TUBB8: variants seen among roughly 807,000 people sequenced by gnomAD.
The protein encoded by TUBB8 is tubulin beta-8 chain.
In TUBB8, 25 loss-of-function variants were observed where a neutral mutation model predicts 33.7. The observed-to-expected ratio is 0.74, with a 90% CI of 0.54 to 1.04. The LOEUF is 1.04. Ranked by LOEUF, TUBB8 falls within the 50% of genes least tolerant of loss-of-function variation. The probability of loss-of-function intolerance (pLI) is 0.00; values close to 1 mark genes in which losing one functional copy is unlikely to be tolerated. For missense variants in TUBB8, 279 were observed against 608.0 expected (o/e 0.46, Z 5.69); for synonymous variants, 245 against 240.1 (o/e 1.02, Z -0.19).
At chr10:67,799 T>C (rs1415072696) in intron 1 of TUBB8, among the ~76,000 whole-genome samples, 1 of 152,140 alleles carries the variant, frequency 6.6e-6, no homozygotes, top group East Asian at 1.9e-4. Flanking sequence ...TTTGAGAGAG[T>C]CTCACACTGT....
upstream of TUBB8, among the ~76,000 whole-genome samples, chr10:53,540 T>G (rs1834493860): frequency 6.6e-6 from 1 of 152,180 alleles, no homozygotes. Context: ...AGAACACATG[T>G]GATTAAATTA....
At chr10:68,867 T>G (rs192260061) in intron 1 of TUBB8, among the ~76,000 whole-genome samples, 6 of 152,358 alleles carry the variant, frequency 3.9e-5, no homozygotes, top group African/African-American at 1.4e-4. Context: ...TCTTTCCATT[T>G]GGATTGGGTT....
intron 1 of TUBB8, among the ~76,000 whole-genome samples, chr10:71,024 C>T (rs1300129021): frequency 1.3e-4 from 20 of 151,844 alleles, no homozygotes; most frequent in Non-Finnish European, 2.9e-4. Context: ...AAAAAAGGAC[C>T]CCAGGGGCAG....
rs1277123646 is a variant in TUBB8, at chr10:60,000, T to C, written c.-845-9767A>G. 3.9e-5 allele frequency among the ~76,000 whole-genome samples: 6 copies of C among 152,146 alleles called. No individual in the cohort carries two copies. The East Asian group carries it at 1.2e-3, about 29-fold the overall frequency. ...CCTTTTTCACCTTTGATTTTATTAA[T>C]TTGTATCTTTGTTTTTTAGCTAGCC... On this transcript the variant is annotated intron_variant, in intron 1 of 3. Transcript: ENST00000564130.
chr10:61,172 A>G (rs7914310), intron 1 of TUBB8, among the ~76,000 whole-genome samples: 8,972 of 151,958 alleles, frequency 0.059, 402 homozygotes, highest in African/African-American at 0.13. Context: ...ACATGTATAC[A>G]TATGTAACTA....
chr10:68,706 A>G (rs367833760), intron 1 of TUBB8, among the ~76,000 whole-genome samples: 11 of 152,356 alleles, frequency 7.2e-5, no homozygotes, highest in Admixed American at 3.9e-4. Flanking sequence ...AACTCCACAC[A>G]AAACACTCCA....
At chr10:76,302 A>G (rs1834813732), upstream of TUBB8, among the ~76,000 whole-genome samples, 1 of 152,036 alleles carries the variant, frequency 6.6e-6, no homozygotes, top group Admixed American at 6.6e-5. Context: ...CCAGAAACAA[A>G]ATCGCATCGG....
At chr10:66,191 A>T (rs1554741587) in intron 1 of TUBB8, among the ~76,000 whole-genome samples, 1 of 152,264 alleles carries the variant, frequency 6.6e-6, no homozygotes, top group Non-Finnish European at 1.5e-5. Flanking sequence ...GAAACAGTAC[A>T]AATGGCTACT....
upstream of TUBB8, chr10:49,895 T>G: frequency 1.0e-5 from 2 of 200,854 alleles, no homozygotes; most frequent in Non-Finnish European, 2.0e-5. Context: ...GAGGACAGGT[T>G]TTGGGATACG....
chr10:71,596 G>T (rs1373651378), intron 1 of TUBB8, among the ~76,000 whole-genome samples: 1 of 151,762 alleles, frequency 6.6e-6, no homozygotes, highest in African/African-American at 2.4e-5. Flanking sequence ...ACTCCAGCCT[G>T]AGAAGAAAAA....
chr10:67,056 G>T (rs184082667), intron 1 of TUBB8, among the ~76,000 whole-genome samples: 581 of 123,526 alleles, frequency 4.7e-3, no homozygotes, highest in African/African-American at 0.011. Context: ...TCTATTCAAT[G>T]GATTATACCA....
At chr10:60,550 G>A (rs1588277744) in intron 1 of TUBB8, among the ~76,000 whole-genome samples, 1 of 152,282 alleles carries the variant, frequency 6.6e-6, no homozygotes, top group East Asian at 1.9e-4. Context: ...CAGTTAGAAT[G>A]GCAATCATTA....
Position 48,862 on chromosome 10 carries a change from G to A in TUBB8, c.108C>T (p.Tyr36=), listed in dbSNP as rs1254452632. 2 of 1,591,026 alleles carry A rather than the reference G, an allele frequency of 1.3e-6. No individual in the cohort carries two copies. Among genetic ancestry groups the A allele is most frequent in the Non-Finnish European group, 8.5e-7 (1 of 1,170,436 alleles). The change falls in exon 2 of 4, where the codon TAC becomes TAT. Residue 36 remains tyrosine, a synonymous_variant. Transcript: ENST00000568584. The stretch of plus-strand genomic sequence containing the variant: ...CCAGCTGCAGGTGGCTGTCCCCGTG[G>A]TAGGTGCCAGCGGAGTCGATGGCAT... ...DEHAIDSAGT[Y]HGDSHLQLER... is the part of the protein sequence containing the mutation.
intron 1 of TUBB8, among the ~76,000 whole-genome samples, chr10:72,122 G>A (rs1441973718): frequency 3.9e-5 from 6 of 151,962 alleles, no homozygotes; most frequent in South Asian, 2.1e-4. Context: ...CTGCTCAGGA[G>A]GCTGAGGTAG....
At chr10:49,531 C>T (rs190124009), upstream of TUBB8, 14 of 624,714 alleles carry the variant, frequency 2.2e-5, no homozygotes, top group Non-Finnish European at 3.6e-5. Flanking sequence ...GACTAAATCC[C>T]TAGCTGAGCT....
At chr10:60,064 T>C (rs1156437587) in intron 1 of TUBB8, among the ~76,000 whole-genome samples, 1 of 152,210 alleles carries the variant, frequency 6.6e-6, no homozygotes, top group Non-Finnish European at 1.5e-5. Context: ...GTTCAAAAAA[T>C]CAACTTTTTG....
In TUBB8 at chr10:62,487, T is replaced by C. The variant is rs544752846; in HGVS notation, c.-846+11482A>G. On this transcript the variant is annotated intron_variant, in intron 1 of 3. Coordinates refer to the TUBB8 transcript ENST00000564130. ...TTGGAAATATGTTGTAGTTATTTTT[T>C]ACTGGTTTATTGTTTACTCTTTCTA... 2.0e-5 allele frequency among the ~76,000 whole-genome samples: 3 copies of C among 152,382 alleles called. No individual in the cohort carries two copies. In the South Asian group the frequency reaches 6.2e-4, roughly 32 times the overall value.
At chr10:73,041 T>C (rs1413168501) in intron 1 of TUBB8, among the ~76,000 whole-genome samples, 1 of 152,172 alleles carries the variant, frequency 6.6e-6, no homozygotes, top group Non-Finnish European at 1.5e-5. Context: ...AAGCTTGATA[T>C]AGTTAATACA....
chr10:76,502 C>T (rs1834816389), upstream of TUBB8, among the ~76,000 whole-genome samples: 1 of 152,166 alleles, frequency 6.6e-6, no homozygotes, highest in Non-Finnish European at 1.5e-5. Flanking sequence ...CCCGGAGCGT[C>T]TCCCTGTCCT....
Sources: gnomAD v4.1 joint callset for allele counts (sites outside exome capture counted in the v4.1 genomes callset) on GRCh38, gnomAD v4.1.1 for gene constraint, MANE v1.5 for transcripts, NCBI Gene and HGNC (gene_info 2026-07-23, HGNC 2026-07-21) for gene names.